Variants in VPS45 observed in about 807,000 individuals in gnomAD.
VPS45 encodes the protein vacuolar protein sorting-associated protein 45.
Under a neutral mutation model 75.9 loss-of-function variants are expected in VPS45, and 35 were observed. That is an observed-to-expected ratio of 0.46 (90% CI 0.35 to 0.61). The LOEUF is 0.61. Ranked by LOEUF, VPS45 falls within the 20% of genes least tolerant of loss-of-function variation. The pLI, the probability that VPS45 is intolerant of heterozygous loss-of-function variation, is 0.00. For missense variants in VPS45, 559 were observed against 685.9 expected (o/e 0.81, Z 2.07); for synonymous variants, 220 against 238.2 (o/e 0.92, Z 0.70).
At chr1:150,127,062 G>A (rs1372337408) in intron 14 of VPS45, among the ~76,000 whole-genome samples, 1 of 152,052 alleles carries the variant, frequency 6.6e-6, no homozygotes, top group East Asian at 1.9e-4. Context: ...CTAAAGCAAC[G>A]GGTATGATGA....
At chr1:150,089,298 T>G (rs1656194937) in intron 10 of VPS45, among the ~76,000 whole-genome samples, 1 of 152,148 alleles carries the variant, frequency 6.6e-6, no homozygotes, top group South Asian at 2.1e-4. Flanking sequence ...ATTGTGCCTA[T>G]AAGAAAAGTA....
rs782023404 is a variant in VPS45 at position 150,082,848 on chromosome 1, C to A, written c.1069C>A (p.Leu357Met). Residue 357 changes from leucine (L) to methionine (M), a missense_variant, in exon 10 of 15, where the codon CTG (leucine) becomes ATG (methionine). By Grantham distance (15) the Leu-to-Met change is conservative. Coordinates refer to ENST00000644510, the MANE Select transcript of VPS45 (RefSeq NM_007259.5). ...GGAGGTTTCAGAGGTTGAGCAAGAA[C>A]TGGCCTGTCAAAATGACCATTCTAG... ...LLEVSEVEQE[L>M]ACQNDHSSAL... 1.2e-6 allele frequency: 2 copies of A among 1,614,164 alleles called. No homozygotes were observed. Among genetic ancestry groups the A allele is most frequent in the Non-Finnish European group, 1.7e-6 (2 of 1,180,024 alleles).
intron 14 of VPS45, among the ~76,000 whole-genome samples, chr1:150,121,049 A>T (rs996209819): frequency 1.3e-5 from 2 of 151,740 alleles, no homozygotes; most frequent in Non-Finnish European, 2.9e-5. Flanking sequence ...TTGTATTTTT[A>T]GTAGAGATGG....
intron 14 of VPS45, among the ~76,000 whole-genome samples, chr1:150,143,232 T>G (rs782434383): frequency 2.6e-5 from 4 of 152,170 alleles, no homozygotes; most frequent in Non-Finnish European, 4.4e-5. Context: ...TATGTATTTA[T>G]GTATGTATGT....
At chr1:150,130,013 C>T (rs1166388273) in intron 14 of VPS45, among the ~76,000 whole-genome samples, 2 of 151,798 alleles carry the variant, frequency 1.3e-5, no homozygotes, top group Non-Finnish European at 2.9e-5. Context: ...GCCTGGCTAT[C>T]TATCTGTCTA....
At chr1:150,095,487 G>A (rs1027230142) in intron 13 of VPS45, among the ~76,000 whole-genome samples, 2 of 152,070 alleles carry the variant, frequency 1.3e-5, no homozygotes, top group African/African-American at 4.8e-5. Context: ...GGTAGCAGGC[G>A]CCTGTAATCC....
chr1:150,118,257 C>T (rs1396588683), intron 14 of VPS45, among the ~76,000 whole-genome samples: 1 of 140,102 alleles, frequency 7.1e-6, no homozygotes, highest in Non-Finnish European at 1.5e-5. Flanking sequence ...GCACTCCAGC[C>T]TGGGTGACAG....
At chr1:150,114,119 C>T (rs776783516) in intron 14 of VPS45, among the ~76,000 whole-genome samples, 130 of 151,918 alleles carry the variant, frequency 8.6e-4, no homozygotes, top group Non-Finnish European at 1.6e-3. Flanking sequence ...CATATTTGCC[C>T]CCTTTTCCCC....
At chr1:150,078,784 T>A (rs1213633136) in intron 7 of VPS45, among the ~76,000 whole-genome samples, 7 of 148,904 alleles carry the variant, frequency 4.7e-5, no homozygotes, top group African/African-American at 1.2e-4. Flanking sequence ...AATAAATAAA[T>A]AAAATGATTT....
chr1:150,135,683 C>G lies in VPS45; in HGVS notation c.1626-9026C>G, dbSNP rs112131275. Among the ~76,000 whole-genome samples, 8 of 152,122 alleles carry G rather than the reference C, an allele frequency of 5.3e-5. 1 individual carries two copies. Among genetic ancestry groups the G allele is most frequent in the African/African-American group, 1.9e-4 (8 of 41,504 alleles). On this transcript the variant is annotated intron_variant, in intron 14 of 14. Coordinates refer to ENST00000644510, the MANE Select transcript of VPS45 (RefSeq NM_007259.5). Reference sequence around the variant, plus strand: ...TTTGCTTCTTTTTGTCCTCTGTCGCCCAGGCTAGAGTGCAGTGGTGTGATC... The same window carrying G: ...TTTGCTTCTTTTTGTCCTCTGTCGCGCAGGCTAGAGTGCAGTGGTGTGATC...
At chr1:150,110,470 T>A (rs1553806959) in intron 13 of VPS45, 26 bp from the exon 14 acceptor site, 1 of 1,593,180 alleles carries the variant, frequency 6.3e-7, no homozygotes, top group Admixed American at 1.7e-5. Context: ...TATCCTGTGA[T>A]AATATCTCAT....
In VPS45 at chr1:150,144,726, T is replaced by G; in HGVS notation, c.1643T>G (p.Leu548Arg). The change falls in exon 15 of 15, where the codon CTG (leucine) becomes CGG (arginine). Residue 548 changes from leucine (L) to arginine (R), a missense_variant. By Grantham distance (102) the Leu-to-Arg change is moderately radical. Transcript: ENST00000644510. ...HNTKSFLEEV[L>R]ASGLHSRSKE... The stretch of plus-strand genomic sequence containing the variant: ...CTTATCAGTTTCCTAGAGGAAGTTC[T>G]GGCTTCTGGACTGCACAGCCGAAGC... The G allele has an allele frequency of 6.2e-7, 1 of 1,612,960 alleles. No individual in the cohort carries two copies. The highest frequency in any genetic ancestry group is 8.5e-7 in the Non-Finnish European group (1 of 1,179,324).
intron 14 of VPS45, among the ~76,000 whole-genome samples, chr1:150,114,878 C>T (rs1313885288): frequency 1.3e-5 from 2 of 148,162 alleles, no homozygotes; most frequent in African/African-American, 2.5e-5. Context: ...CACCACCCCC[C>T]AGCCTATCTG....
At chr1:150,081,610 C>T (rs1403799240) in intron 8 of VPS45, 134 bp downstream of exon 8, 5 of 1,084,222 alleles carry the variant, frequency 4.6e-6, no homozygotes, top group Non-Finnish European at 6.5e-6. Context: ...CATAAACTGC[C>T]TCTGAAGGGA....
intron 13 of VPS45, 44 bp from the exon 14 acceptor site, chr1:150,110,452 T>C (rs2101608663): frequency 1.3e-6 from 2 of 1,559,316 alleles, no homozygotes; most frequent in Non-Finnish European, 1.7e-6. Flanking sequence ...ACAGTCCTTT[T>C]TTTTTCTTAT....
chr1:150,086,141 GAGGA>G (rs1656003726), intron 10 of VPS45, among the ~76,000 whole-genome samples: 1 of 152,068 alleles, frequency 6.6e-6, no homozygotes. Flanking sequence ...GAAAAATGAG[GAGGA>G]AGAGCTCTAT....
At chr1:150,143,111 C>G (rs965938507) in intron 14 of VPS45, among the ~76,000 whole-genome samples, 40 of 152,250 alleles carry the variant, frequency 2.6e-4, no homozygotes, top group Non-Finnish European at 2.6e-4. Context: ...CACAGTCTGT[C>G]TTGGCAACAA....
chr1:150,089,287 C>T (rs1318363842), intron 10 of VPS45, among the ~76,000 whole-genome samples: 1 of 152,124 alleles, frequency 6.6e-6, no homozygotes, highest in Non-Finnish European at 1.5e-5. Flanking sequence ...GGAAATGAGA[C>T]ATTGTGCCTA....
chr1:150,124,802 G>A (rs782414930), intron 14 of VPS45, among the ~76,000 whole-genome samples: 17 of 150,252 alleles, frequency 1.1e-4, no homozygotes, highest in South Asian at 4.2e-4. Flanking sequence ...CAAGTAATCC[G>A]CCTGCCTTGT....
Sources: gnomAD v4.1 joint callset for allele counts (sites outside exome capture counted in the v4.1 genomes callset) on GRCh38, gnomAD v4.1.1 for gene constraint, MANE v1.5 for transcripts, NCBI Gene and HGNC (gene_info 2026-07-23, HGNC 2026-07-21) for gene names.